The following SH3TC2 variants were observed in gnomAD, a reference collection of about 807,000 sequenced individuals.
The protein encoded by SH3TC2 is SH3 domain and tetratricopeptide repeats 2, also known as SH3 domain and tetratricopeptide repeat-containing protein 2.
SH3TC2 carries 87 observed loss-of-function variants against 124.5 expected under a neutral mutation model. That is an observed-to-expected ratio of 0.70 (90% confidence interval 0.59 to 0.84). The LOEUF (loss-of-function observed/expected upper bound fraction) is 0.84, where lower values mean the gene tolerates loss of function less well. Ranked by LOEUF, SH3TC2 falls within the 40% of genes least tolerant of loss-of-function variation. The pLI is 0.00. For missense variants in SH3TC2, 1,536 were observed against 1,566.4 expected, an observed-to-expected ratio of 0.98 and a Z score of 0.33; for synonymous variants, 634 against 628.5, an observed-to-expected ratio of 1.01 and a Z score of -0.13.
Position 149,012,687 on chromosome 5 carries a change from A to G in SH3TC2, c.3101T>C (p.Phe1034Ser), listed in dbSNP as rs1753804665. The G allele has an allele frequency of 4.3e-6, 7 of 1,614,042 alleles. No individual in the cohort carries two copies. The highest frequency in any genetic ancestry group is 5.9e-6 in the Non-Finnish European group (7 of 1,180,030). ...LTCIKESLRI[F>S]IDLGETDKAA... Reference sequence around the variant, plus strand: ...CTTGTCTGTCTCCCCCAGGTCAATGAAGATACGCAGGCTCTCCTTGATGCA... The same window carrying G: ...CTTGTCTGTCTCCCCCAGGTCAATGGAGATACGCAGGCTCTCCTTGATGCA... The change falls in exon 13 of 17, where the codon TTC becomes TCC. Residue 1034 changes from phenylalanine to serine, a missense_variant. Coordinates refer to ENST00000515425, the MANE Select transcript of SH3TC2 (RefSeq NM_024577.4).
At chr5:149,053,473 A>G (rs900714217) in intron 1 of SH3TC2, among the ~76,000 whole-genome samples, 2 of 152,258 alleles carry the variant, frequency 1.3e-5, no homozygotes, top group Non-Finnish European at 2.9e-5. Flanking sequence ...CTCTTCATCC[A>G]GTAAATCTTG....
intron 12 of SH3TC2, among the ~76,000 whole-genome samples, chr5:149,021,274 G>C (rs2127395414): frequency 6.6e-6 from 1 of 152,076 alleles, no homozygotes. Flanking sequence ...ATATAAAATG[G>C]CGTAGGCACA....
chr5:149,001,225 A>C lies in SH3TC2; in HGVS notation c.*3486T>G, dbSNP rs537992854. ...GCACAATATAAAGGCATCTTAAAAT[A>C]ATGGAAAAGCAAATAAGAAAAGGAC... On this transcript the variant is annotated 3_prime_UTR_variant, in exon 17 of 17. Transcript: ENST00000515425. The C allele has an allele frequency of 6.6e-6, 1 of 152,308 alleles. No homozygotes were observed. The highest frequency in any genetic ancestry group is 1.9e-4 in the East Asian group (1 of 5,196). 9.4% of individuals were successfully genotyped at this position (152,308 alleles called of 1,614,324 possible).
chr5:149,038,400 C>G lies in SH3TC2; in HGVS notation c.896G>C (p.Gly299Ala), dbSNP rs1222332332. Residue 299 changes from glycine to alanine, a missense_variant, in exon 8 of 17, where the codon GGC becomes GCC. By Grantham distance (60) the Gly-to-Ala change is moderately conservative (BLOSUM62 0). Around this residue, in one of 3 missense-constraint regions of SH3TC2, gnomAD observed 1,102 missense variants for 1,098.6 expected, o/e 1.00. Coordinates refer to ENST00000515425, the MANE Select transcript of SH3TC2 (RefSeq NM_024577.4). ...FYQGESIEII[G>A]FVIPGLQWFI... ...CCACTGAAGCCCAGGTATGACAAAG[C>G]CGATGATCTCAATGCTTTCTCCCTG... 3 of 1,614,062 alleles carry G rather than the reference C, an allele frequency of 1.9e-6. No individual in the cohort carries two copies. The highest frequency in any genetic ancestry group is 1.3e-5 in the African/African-American group (1 of 74,934).
rs376389928 is a variant in SH3TC2 at position 149,047,959 on chromosome 5, C to T, written c.182G>A (p.Arg61His). 40 of 1,614,074 alleles carry T rather than the reference C, an allele frequency of 2.5e-5. 1 individual carries two copies. Among genetic ancestry groups the T allele is most frequent in the South Asian group, 1.9e-4 (17 of 91,078 alleles). ...DLTLSFCVKS[R>H]SRRCVNGPLQ... ...GGGTCCATTTACACACCTCCTGGAG[C>T]GGCTCTTTACACAGAAGGAGAGTGT... is the stretch of plus-strand genomic sequence containing the variant. The change falls in exon 3 of 17, where the codon CGC becomes CAC. Residue 61 changes from arginine to histidine, a missense_variant. Coordinates refer to ENST00000515425, the MANE Select transcript of SH3TC2 (RefSeq NM_024577.4).
At chr5:149,052,453 T>G (rs2127403470) in intron 1 of SH3TC2, among the ~76,000 whole-genome samples, 1 of 152,346 alleles carries the variant, frequency 6.6e-6, no homozygotes, top group East Asian at 1.9e-4. Context: ...AGCCTGGGTA[T>G]GCCCATCTTA....
At position 148,987,141 on chromosome 5, in the gene SH3TC2, C is replaced by A. The variant is rs2127387321; in HGVS notation, c.*17570G>T. 6.6e-6 allele frequency among the ~76,000 whole-genome samples: 1 copy of A among 152,304 alleles called. No homozygotes were observed. Among genetic ancestry groups the A allele is most frequent in the East Asian group, 1.9e-4 (1 of 5,184 alleles). On this transcript the variant is annotated 3_prime_UTR_variant, in exon 17 of 17. Transcript: ENST00000515425. ...CACACTTTAGAAGAAATGTGTAAAT[C>A]AAATGCTTCTAAATTTAATTTGATT...
At position 149,034,727 on chromosome 5, in the gene SH3TC2, TAATC is replaced by T. The variant is rs1365442576; in HGVS notation, c.1002-3044_1002-3041del. Among the ~76,000 whole-genome samples the T allele has an allele frequency of 7.2e-5, 11 of 151,882 alleles. No homozygotes were observed. In the East Asian group the frequency reaches 1.2e-3, roughly 16 times the overall value. ...TAAAAACAAAGAAAGTAGACAAAAA[TAATC>T]AAAGCAAATGCTGTCATTAATGAAG... is the stretch of plus-strand genomic sequence containing the variant. On this transcript the variant is annotated intron_variant, in intron 8 of 16. Transcript: ENST00000515425.
rs2127390808 is a variant in SH3TC2, at chr5:149,002,803, C to A, written c.*1908G>T. ...AAATGCATGTTCCTGGGATACATCCCAGATCTACTGAATCAGAATTATTAG... is the reference window on the plus strand; with the variant it reads ...AAATGCATGTTCCTGGGATACATCCAAGATCTACTGAATCAGAATTATTAG... On this transcript the variant is annotated 3_prime_UTR_variant, in exon 17 of 17. Transcript: ENST00000515425. The A allele has an allele frequency of 1.3e-5, 2 of 152,342 alleles. No individual in the cohort carries two copies. The highest frequency in any genetic ancestry group is 6.8e-3 in the Middle Eastern group (2 of 294). 9.4% of individuals were successfully genotyped at this position (152,342 alleles called of 1,614,324 possible).
At position 148,995,294 on chromosome 5, in the gene SH3TC2, C is replaced by G. The variant is rs1170168418; in HGVS notation, c.*9417G>C. Among the ~76,000 whole-genome samples the G allele has an allele frequency of 6.6e-6, 1 of 152,192 alleles. No individual in the cohort carries two copies. The highest frequency in any genetic ancestry group is 1.5e-5 in the Non-Finnish European group (1 of 68,026). On this transcript the variant is annotated 3_prime_UTR_variant, in exon 17 of 17. Coordinates refer to ENST00000515425, the MANE Select transcript of SH3TC2 (RefSeq NM_024577.4). ...TGAATCTCTGCAAACATCTGAAATA[C>G]TTTAAACCTTGATTCTATCACCTGA...
In SH3TC2 at chr5:149,026,633, C is replaced by G; in HGVS notation, c.2992G>C (p.Glu998Gln). The G allele has an allele frequency of 6.2e-7, 1 of 1,614,204 alleles. No individual in the cohort carries two copies. Among genetic ancestry groups the G allele is most frequent in the East Asian group, 2.2e-5 (1 of 44,872 alleles). ...LALAQQLRDR[E>Q]MEGRLLESLG... ...GACTCCAGCAGCCTCCCTTCCATCT[C>G]CCGGTCCCTGAGTTGCTGAGCCAGG... The change falls in exon 12 of 17, where the codon GAG (glutamate) becomes CAG (glutamine). Residue 998 changes from glutamate to glutamine, a missense_variant. Around this residue, in one of 3 missense-constraint regions of SH3TC2, gnomAD observed 426 missense variants for 443.5 expected, o/e 0.96. Coordinates refer to ENST00000515425, the MANE Select transcript of SH3TC2 (RefSeq NM_024577.4).
chr5:149,057,376 T>C (rs1190587162), intron 1 of SH3TC2, among the ~76,000 whole-genome samples: 1 of 152,166 alleles, frequency 6.6e-6, no homozygotes, highest in African/African-American at 2.4e-5. Flanking sequence ...TATTTTTGAA[T>C]GATAAAGTCC....
intron 12 of SH3TC2, among the ~76,000 whole-genome samples, chr5:149,020,330 A>T (rs868767600): frequency 5.9e-5 from 9 of 152,248 alleles, no homozygotes; most frequent in Middle Eastern, 3.2e-3. Context: ...TGAAAGAAAT[A>T]CAGGACAAGA....
At chr5:149,050,116 A>G (rs1288334455) in intron 2 of SH3TC2, among the ~76,000 whole-genome samples, 1 of 152,224 alleles carries the variant, frequency 6.6e-6, no homozygotes, top group Non-Finnish European at 1.5e-5. Context: ...ATCTATGTAT[A>G]TGGAACTCAA....
chr5:149,011,142 T>C lies in SH3TC2; in HGVS notation c.3205-750A>G, dbSNP rs1471838789. On this transcript the variant is annotated intron_variant, in intron 13 of 16. Transcript: ENST00000515425. Reference sequence around the variant, plus strand: ...ACCTCAAATAGCCTCAGGTCCAGAATGATTCACTTCCATGGAATTGACCCT... The same window carrying C: ...ACCTCAAATAGCCTCAGGTCCAGAACGATTCACTTCCATGGAATTGACCCT... 5.2e-5 allele frequency among the ~76,000 whole-genome samples: 8 copies of C among 152,388 alleles called. No homozygotes were observed. In the East Asian group the frequency reaches 1.5e-3, roughly 29 times the overall value.
intron 2 of SH3TC2, among the ~76,000 whole-genome samples, chr5:149,048,639 T>A (rs1754507207): frequency 1.3e-5 from 2 of 152,224 alleles, no homozygotes; most frequent in Admixed American, 6.5e-5. Flanking sequence ...TTTTATGGGC[T>A]CCTCAGCAAA....
At chr5:149,041,200 C>A (rs975496755) in intron 6 of SH3TC2, among the ~76,000 whole-genome samples, 5 of 152,126 alleles carry the variant, frequency 3.3e-5, no homozygotes, top group Non-Finnish European at 7.4e-5. Context: ...AGGTACAATG[C>A]CCATCTGAAA....
At chr5:149,019,238 C>A (rs1753928872) in intron 12 of SH3TC2, among the ~76,000 whole-genome samples, 2 of 152,138 alleles carry the variant, frequency 1.3e-5, no homozygotes, top group African/African-American at 4.8e-5. Context: ...CAGTAACCAC[C>A]CCCGGGTGCA....
intron 3 of SH3TC2, chr5:149,046,049 C>A (rs1754458827): frequency 8.8e-6 from 3 of 339,788 alleles, no homozygotes; most frequent in South Asian, 6.6e-5. Context: ...TTGACTGTAA[C>A]AAGTGACGGT....
Sources: gnomAD v4.1 joint callset for allele counts (sites outside exome capture counted in the v4.1 genomes callset) on GRCh38, gnomAD v4.1.1 for gene constraint, gnomAD v4.1.1 regional missense constraint, MANE v1.5 for transcripts, NCBI Gene and HGNC (gene_info 2026-07-23, HGNC 2026-07-21) for gene names.